CDH13: variants seen among roughly 807,000 people sequenced by gnomAD.
CDH13 encodes the protein cadherin 13.
A neutral mutation model predicts 63.8 loss-of-function variants in CDH13; 24 were observed. That is an observed-to-expected ratio of 0.38 (90% confidence interval 0.27 to 0.53). The LOEUF is 0.53. Ranked by LOEUF, CDH13 falls within the 20% of genes least tolerant of loss-of-function variation. The pLI is 0.85. For missense variants in CDH13, 1,049 were observed against 903.1 expected, an observed-to-expected ratio of 1.16 and a Z score of -2.07; for synonymous variants, 503 against 355.3, an observed-to-expected ratio of 1.42 and a Z score of -4.67.
At chr16:83,062,431 A>T (rs2031644671) in intron 3 of CDH13, among the ~76,000 whole-genome samples, 1 of 152,208 alleles carries the variant, frequency 6.6e-6, no homozygotes, top group African/African-American at 2.4e-5. Context: ...TTCAGTAAGA[A>T]GTATCAATGT....
Position 83,733,454 on chromosome 16 carries a change from G to T in CDH13, c.1539-14654G>T, listed in dbSNP as rs180735079. ...GGATGCCACTGGAGAGGGAGGTCCCGTCATCACCTAAGCTAAGCACAGCTG... is the reference window on the plus strand; with the variant it reads ...GGATGCCACTGGAGAGGGAGGTCCCTTCATCACCTAAGCTAAGCACAGCTG... On this transcript the variant is annotated intron_variant, in intron 10 of 13. Transcript: ENST00000567109. Among the ~76,000 whole-genome samples, 121 of 152,250 alleles carry T rather than the reference G, an allele frequency of 7.9e-4. 1 individual carries two copies. The highest frequency in any genetic ancestry group is 2.9e-3 in the African/African-American group (119 of 41,544).
At chr16:82,866,894 TCCC>T (rs888835604) in intron 2 of CDH13, among the ~76,000 whole-genome samples, 1 of 152,038 alleles carries the variant, frequency 6.6e-6, no homozygotes, top group African/African-American at 2.4e-5. Flanking sequence ...TTCAATGACC[TCCC>T]CCGATCTCTC....
At chr16:82,651,352 A>G (rs1430824908) in intron 1 of CDH13, among the ~76,000 whole-genome samples, 1 of 152,198 alleles carries the variant, frequency 6.6e-6, no homozygotes, top group Non-Finnish European at 1.5e-5. Context: ...ACACACATAT[A>G]CCATCTTCAT....
intron 2 of CDH13, among the ~76,000 whole-genome samples, chr16:82,870,559 A>T (rs911026117): frequency 6.6e-6 from 1 of 152,174 alleles, no homozygotes; most frequent in African/African-American, 2.4e-5. Flanking sequence ...GAATGAATAA[A>T]ATCTAGTATT....
intron 3 of CDH13, among the ~76,000 whole-genome samples, chr16:83,054,601 C>T (rs1304873576): frequency 6.6e-6 from 1 of 152,082 alleles, no homozygotes; most frequent in Non-Finnish European, 1.5e-5. Flanking sequence ...TGAAGTTTTC[C>T]ATGTAATATT....
intron 2 of CDH13, among the ~76,000 whole-genome samples, chr16:82,890,907 C>T (rs2041057863): frequency 6.6e-6 from 1 of 152,142 alleles, no homozygotes; most frequent in South Asian, 2.1e-4. Context: ...CCACCGCAGC[C>T]TCCCAAAGTG....
intron 1 of CDH13, among the ~76,000 whole-genome samples, chr16:82,840,088 G>A (rs2038941585): frequency 6.6e-6 from 1 of 152,106 alleles, no homozygotes; most frequent in Non-Finnish European, 1.5e-5. Flanking sequence ...ACCTGACAAA[G>A]GTTTGCTTGA....
At chr16:83,117,712 C>G (rs748700764) in intron 3 of CDH13, among the ~76,000 whole-genome samples, 3 of 152,106 alleles carry the variant, frequency 2.0e-5, no homozygotes, top group Non-Finnish European at 4.4e-5. Flanking sequence ...TCTATTCTCT[C>G]GCTCCTTCTC....
chr16:83,770,804 C>T (rs1914708979), intron 11 of CDH13, among the ~76,000 whole-genome samples: 1 of 152,054 alleles, frequency 6.6e-6, no homozygotes, highest in African/African-American at 2.4e-5. Flanking sequence ...GGGTTTTGGC[C>T]AGCTTCTGTA....
chr16:83,740,349 C>G (rs1229558615), intron 10 of CDH13, among the ~76,000 whole-genome samples: 1 of 151,768 alleles, frequency 6.6e-6, no homozygotes, highest in Non-Finnish European at 1.5e-5. Context: ...CTGTAGCAAG[C>G]AGAAGAGAAG....
chr16:83,690,243 G>T (rs1260580233), intron 10 of CDH13, among the ~76,000 whole-genome samples: 4 of 152,136 alleles, frequency 2.6e-5, no homozygotes, highest in Non-Finnish European at 5.9e-5. Context: ...ATGAATGAGA[G>T]AATTAATAAA....
chr16:83,556,160 G>A (rs989176986), intron 7 of CDH13, among the ~76,000 whole-genome samples: 9 of 152,184 alleles, frequency 5.9e-5, no homozygotes, highest in East Asian at 1.9e-4. Context: ...TAACTCAAAC[G>A]TTAGGAGAGG....
chr16:83,044,277 A>G (rs1042063622), intron 3 of CDH13, among the ~76,000 whole-genome samples: 1 of 152,228 alleles, frequency 6.6e-6, no homozygotes, highest in Non-Finnish European at 1.5e-5. Context: ...TTGTGGAGTC[A>G]TTGCTATTTT....
At chr16:83,024,329 A>T (rs1666172067) in intron 2 of CDH13, among the ~76,000 whole-genome samples, 1 of 152,214 alleles carries the variant, frequency 6.6e-6, no homozygotes, top group Non-Finnish European at 1.5e-5. Flanking sequence ...TATTATAAAT[A>T]CTACATTCAA....
chr16:82,874,936 G>C (rs2040457012), intron 2 of CDH13, among the ~76,000 whole-genome samples: 1 of 152,164 alleles, frequency 6.6e-6, no homozygotes, highest in African/African-American at 2.4e-5. Flanking sequence ...GGGATGTGTG[G>C]CCAGGTAATC....
chr16:82,937,948 A>G (rs2042721214), intron 2 of CDH13, among the ~76,000 whole-genome samples: 2 of 152,232 alleles, frequency 1.3e-5, no homozygotes, highest in Non-Finnish European at 2.9e-5. Flanking sequence ...AGTTATTCAA[A>G]TGTAACACTT....
At chr16:83,267,079 AG>A (rs1297868325) in intron 5 of CDH13, among the ~76,000 whole-genome samples, 1 of 152,142 alleles carries the variant, frequency 6.6e-6, no homozygotes, top group Admixed American at 6.6e-5. Flanking sequence ...AGAATTTGTT[AG>A]GGAGGAGCTG....
intron 6 of CDH13, among the ~76,000 whole-genome samples, chr16:83,366,307 G>A (rs146815265): frequency 1.6e-3 from 245 of 152,314 alleles, no homozygotes; most frequent in Non-Finnish European, 2.8e-3. Context: ...GACATGTTTA[G>A]CAACACTTCC....
At position 83,425,075 on chromosome 16, in the gene CDH13, A is replaced by C. The variant is rs2151475728; in HGVS notation, c.782-61402A>C. 2.0e-5 allele frequency among the ~76,000 whole-genome samples: 3 copies of C among 152,328 alleles called. 1 individual carries two copies. Among genetic ancestry groups the C allele is most frequent in the Middle Eastern group, 3.4e-3 (1 of 294 alleles). ...CATGCTATCACACCATAGCATGCTT[A>C]CAACCTCGGTCAAGAAAGAGCTGTG... On this transcript the variant is annotated intron_variant, in intron 6 of 13. Coordinates refer to ENST00000567109, the MANE Select transcript of CDH13 (RefSeq NM_001257.5).
Sources: gnomAD v4.1 joint callset for allele counts (sites outside exome capture counted in the v4.1 genomes callset) on GRCh38, gnomAD v4.1.1 for gene constraint, MANE v1.5 for transcripts, NCBI Gene and HGNC (gene_info 2026-07-23, HGNC 2026-07-21) for gene names.